The following SIPA1L2 variants were observed in gnomAD, a reference collection of about 807,000 sequenced individuals.
SIPA1L2 encodes signal induced proliferation associated 1 like 2, also known as signal-induced proliferation-associated 1-like protein 2.
Under a neutral mutation model 163.9 loss-of-function variants are expected in SIPA1L2, and 56 were observed. The ratio of observed to expected loss-of-function variants is 0.34; its 90% CI spans 0.28 to 0.43. SIPA1L2 has a LOEUF of 0.43. Ranked by LOEUF, SIPA1L2 falls within the 20% of genes least tolerant of loss-of-function variation. The probability of loss-of-function intolerance (pLI) is 1.00; values close to 1 mark genes in which losing one functional copy is unlikely to be tolerated. For missense variants in SIPA1L2, 1,974 were observed against 2,193.5 expected (o/e 0.90, Z 2.00); for synonymous variants, 877 against 865.7 (o/e 1.01, Z -0.23).
At position 232,609,342 on chromosome 1, in the gene SIPA1L2, T is replaced by A. The variant is rs189051816; in HGVS notation, c.-319+20527A>T. Among the ~76,000 whole-genome samples, 6 of 152,330 alleles carry A rather than the reference T, an allele frequency of 3.9e-5. No homozygotes were observed. In the East Asian group the frequency reaches 1.2e-3, roughly 29 times the overall value. ...TGAAATTTATCATTTGCTTACTTTC[T>A]GGGTAAAAGTTTAAAATGAATATGC... On this transcript the variant is annotated intron_variant, in intron 1 of 22. Transcript: ENST00000674635.
At chr1:232,485,933 C>T (rs996937280) in intron 5 of SIPA1L2, among the ~76,000 whole-genome samples, 2 of 152,316 alleles carry the variant, frequency 1.3e-5, no homozygotes, top group South Asian at 2.1e-4. Flanking sequence ...TCCTCATCCT[C>T]GGAGGTCACT....
chr1:232,464,027 G>A (rs771739907), intron 9 of SIPA1L2, among the ~76,000 whole-genome samples: 5 of 151,940 alleles, frequency 3.3e-5, no homozygotes, highest in Non-Finnish European at 5.9e-5. Flanking sequence ...GATCCATAGT[G>A]AACTAAACCT....
intron 1 of SIPA1L2, among the ~76,000 whole-genome samples, chr1:232,617,005 T>G (rs989556465): frequency 6.6e-6 from 1 of 152,266 alleles, no homozygotes; most frequent in African/African-American, 2.4e-5. Flanking sequence ...CTTCACATAT[T>G]ATCATAAAAC....
chr1:232,599,735 C>T lies in SIPA1L2; in HGVS notation c.-318-25513G>A, dbSNP rs549429981. On this transcript the variant is annotated intron_variant, in intron 1 of 22. Coordinates refer to ENST00000674635, the MANE Select transcript of SIPA1L2 (RefSeq NM_020808.5). ...AAGCTGTGTAAGATACATTTATGCC[C>T]ACAGCTTCTTAGCAAGACCTGAGCC... 5.3e-5 allele frequency among the ~76,000 whole-genome samples: 8 copies of T among 152,310 alleles called. No individual in the cohort carries two copies. The East Asian group carries it at 1.2e-3, about 22-fold the overall frequency.
At chr1:232,616,334 C>T (rs752985067) in intron 1 of SIPA1L2, among the ~76,000 whole-genome samples, 2 of 152,192 alleles carry the variant, frequency 1.3e-5, no homozygotes, top group African/African-American at 2.4e-5. Flanking sequence ...TTCCACAAGA[C>T]TAGAACAGAA....
rs1210135512 is a variant in SIPA1L2 at position 232,514,406 on chromosome 1, C to T, written c.934G>A (p.Glu312Lys). The change falls in exon 3 of 23, where the codon GAG becomes AAG. Residue 312 changes from glutamate to lysine, a missense_variant. This residue lies in a region of SIPA1L2 where 607 missense variants were observed against 624.0 expected (regional missense o/e 0.97). Transcript: ENST00000674635. ...HETFKFTSEL[E>K]ESRLERGIRP... ...ATGCCCCTCTCCAGTCGGCTCTCCT[C>T]CAGCTCAGACGTGAACTTGAAAGTT... The T allele has an allele frequency of 2.5e-6, 4 of 1,614,040 alleles. No individual in the cohort carries two copies. The highest frequency in any genetic ancestry group is 8.5e-7 in the Non-Finnish European group (1 of 1,180,052).
intron 2 of SIPA1L2, among the ~76,000 whole-genome samples, chr1:232,538,830 G>A (rs900316045): frequency 2.0e-5 from 3 of 152,182 alleles, no homozygotes; most frequent in Non-Finnish European, 4.4e-5. Context: ...CAGTGGGTGG[G>A]TGAGCTGACT....
intron 17 of SIPA1L2, 28 bp from the exon 18 acceptor site, chr1:232,425,836 G>A (rs768244089): frequency 1.3e-6 from 2 of 1,590,800 alleles, no homozygotes; most frequent in South Asian, 2.2e-5. Context: ...TGCGAGGAGG[G>A]AACAGACATT....
intron 2 of SIPA1L2, among the ~76,000 whole-genome samples, chr1:232,527,766 C>G (rs1233529752): frequency 3.6e-5 from 4 of 110,646 alleles, no homozygotes; most frequent in African/African-American, 7.0e-5. Context: ...GGGTCTCACT[C>G]TGTTGCCCAG....
intron 10 of SIPA1L2, among the ~76,000 whole-genome samples, chr1:232,453,548 A>T (rs1663711992): frequency 6.6e-6 from 1 of 152,226 alleles, no homozygotes; most frequent in Admixed American, 6.5e-5. Context: ...CCACCACCTT[A>T]GCATGTGTAG....
intron 17 of SIPA1L2, among the ~76,000 whole-genome samples, chr1:232,428,148 A>C (rs898874624): frequency 6.6e-6 from 1 of 152,152 alleles, no homozygotes; most frequent in Admixed American, 6.5e-5. Context: ...CCATTGCTGG[A>C]GCCAGGATTT....
chr1:232,485,532 A>C (rs529084440), intron 5 of SIPA1L2, among the ~76,000 whole-genome samples: 1 of 152,346 alleles, frequency 6.6e-6, no homozygotes, highest in Admixed American at 6.5e-5. Flanking sequence ...TCATCTTCAA[A>C]AAAATATTAA....
At position 232,630,094 on chromosome 1, in the gene SIPA1L2, C is replaced by G. The variant is rs1663310617; in HGVS notation, c.-544G>C. 6.6e-6 allele frequency among the ~76,000 whole-genome samples: 1 copy of G among 151,016 alleles called. No individual in the cohort carries two copies. The highest frequency in any genetic ancestry group is 6.6e-5 in the Admixed American group (1 of 15,180). ...CGCGGTGCTCCTCCTCCGTCCTCCT[C>G]CTCCTCTCGCTCCGCCAGCTCCTCC... On this transcript the variant is annotated 5_prime_UTR_variant, in exon 1 of 23. Transcript: ENST00000674635.
At chr1:232,508,448 C>A (rs529294366) in intron 3 of SIPA1L2, among the ~76,000 whole-genome samples, 6 of 152,338 alleles carry the variant, frequency 3.9e-5, no homozygotes, top group African/African-American at 1.4e-4. Context: ...CTGGGCTCTG[C>A]CACACAGTTC....
intron 2 of SIPA1L2, among the ~76,000 whole-genome samples, chr1:232,551,093 G>A (rs1248650825): frequency 6.6e-6 from 1 of 152,120 alleles, no homozygotes; most frequent in Non-Finnish European, 1.5e-5. Context: ...ACTACCGTGC[G>A]TTTCTATGTC....
chr1:232,609,130 T>C (rs934185088), intron 1 of SIPA1L2, among the ~76,000 whole-genome samples: 1 of 152,214 alleles, frequency 6.6e-6, no homozygotes, highest in African/African-American at 2.4e-5. Flanking sequence ...GTTGAACTTG[T>C]ATGGTGAGTC....
chr1:232,426,798 A>T (rs1288296696), intron 17 of SIPA1L2, among the ~76,000 whole-genome samples: 1 of 152,254 alleles, frequency 6.6e-6, no homozygotes, highest in East Asian at 1.9e-4. Context: ...GAAAATTCTT[A>T]CTAAGAAATG....
chr1:232,618,664 A>C (rs1013267062), intron 1 of SIPA1L2, among the ~76,000 whole-genome samples: 4 of 152,080 alleles, frequency 2.6e-5, no homozygotes, highest in African/African-American at 7.2e-5. Flanking sequence ...AAAAAAAAAA[A>C]AAAAAACTCT....
intron 7 of SIPA1L2, among the ~76,000 whole-genome samples, chr1:232,474,770 G>A (rs146975099): frequency 7.8e-4 from 119 of 151,978 alleles, no homozygotes; most frequent in African/African-American, 2.8e-3. Flanking sequence ...AAATTTTAAC[G>A]AGAGGAAAAA....
Sources: gnomAD v4.1 joint callset for allele counts (sites outside exome capture counted in the v4.1 genomes callset) on GRCh38, gnomAD v4.1.1 for gene constraint, gnomAD v4.1.1 regional missense constraint, MANE v1.5 for transcripts, NCBI Gene and HGNC (gene_info 2026-07-23, HGNC 2026-07-21) for gene names.